Variants in PRSS23 observed in about 807,000 individuals in gnomAD.
PRSS23 encodes serine protease 23, also known as protease, serine 23.
A neutral mutation model predicts 34.7 loss-of-function variants in PRSS23; 25 were observed. The ratio of observed to expected loss-of-function variants is 0.72; its 90% confidence interval spans 0.53 to 1.01. The LOEUF (loss-of-function observed/expected upper bound fraction) is 1.01. Among genes scored for constraint, PRSS23 ranks in the 50% least tolerant of loss-of-function variants. The pLI, the probability that PRSS23 is intolerant of heterozygous loss-of-function variation, is 0.00. For synonymous variants in PRSS23, 176 were observed against 186.6 expected, an observed-to-expected ratio of 0.94 and a Z score of 0.46; for missense variants, 445 against 475.6, an observed-to-expected ratio of 0.94 and a Z score of 0.60.
At chr11:86,903,644 G>A (rs1948925081) in intron 2 of PRSS23, among the ~76,000 whole-genome samples, 1 of 151,794 alleles carries the variant, frequency 6.6e-6, no homozygotes, top group South Asian at 2.1e-4. Flanking sequence ...CACCACTCCT[G>A]GCTAATTTTT....
At chr11:86,825,553 C>A (rs910047436) in intron 2 of PRSS23, among the ~76,000 whole-genome samples, 20 of 151,032 alleles carry the variant, frequency 1.3e-4, no homozygotes, top group African/African-American at 4.8e-4. Flanking sequence ...GAAGTCCTTG[C>A]CCATGCCTAT....
chr11:86,842,263 G>C (rs922086517), intron 2 of PRSS23, among the ~76,000 whole-genome samples: 1 of 152,130 alleles, frequency 6.6e-6, no homozygotes, highest in Non-Finnish European at 1.5e-5. Flanking sequence ...ATATAAACTA[G>C]GTATTGATGG....
At chr11:86,828,238 C>G (rs1948319947) in intron 2 of PRSS23, among the ~76,000 whole-genome samples, 1 of 152,314 alleles carries the variant, frequency 6.6e-6, no homozygotes, top group East Asian at 1.9e-4. Flanking sequence ...GATCCCTTTA[C>G]TATTACGTAA....
chr11:86,837,063 G>C (rs1476984953), intron 2 of PRSS23: 4 of 152,132 alleles, frequency 2.6e-5, no homozygotes, highest in African/African-American at 9.7e-5. Flanking sequence ...CTAGATTCAA[G>C]AATGTTCCAA....
At position 86,941,206 on chromosome 11, in the gene PRSS23, C is replaced by G. The variant is rs562384954; in HGVS notation, c.207-10010C>G. Among the ~76,000 whole-genome samples the G allele has an allele frequency of 3.4e-4, 52 of 152,228 alleles. 1 individual carries two copies. In the Middle Eastern group the frequency reaches 0.024, roughly 70 times the overall value. On this transcript the variant is annotated intron_variant, in intron 2 of 2. Transcript: ENST00000533902. ...TCCTTTGAGGGGTCAAATGGTGAGA[C>G]GACAGCAGTTTAGGAACTGTTTGCC... is the stretch of plus-strand genomic sequence containing the variant.
At chr11:86,869,377 A>G (rs1264037440) in intron 2 of PRSS23, among the ~76,000 whole-genome samples, 2 of 152,176 alleles carry the variant, frequency 1.3e-5, no homozygotes, top group Non-Finnish European at 2.9e-5. Context: ...TCCTTTATCA[A>G]ACATCAACTG....
chr11:86,791,555 T>C (rs1947952212), intron 1 of PRSS23, among the ~76,000 whole-genome samples: 1 of 152,240 alleles, frequency 6.6e-6, no homozygotes, highest in Non-Finnish European at 1.5e-5. Context: ...TGAGGCACTT[T>C]TCACAAGCTC....
rs370811133 is a variant in PRSS23 at position 86,951,982 on chromosome 11, G to C, written c.*697G>C. On this transcript the variant is annotated 3_prime_UTR_variant, in exon 3 of 3. Coordinates refer to the PRSS23 transcript ENST00000533902. The stretch of plus-strand genomic sequence containing the variant: ...TGCTATAAATATTATAGCACATACT[G>C]AGAAATATGATGGGGCGCTCAGGGT... 4.2e-5 allele frequency: 67 copies of C among 1,614,068 alleles called. 1 individual carries two copies. Among genetic ancestry groups the C allele is most frequent in the Non-Finnish European group, 5.5e-5 (65 of 1,179,982 alleles).
intron 2 of PRSS23, among the ~76,000 whole-genome samples, chr11:86,824,839 A>G (rs1024754788): frequency 1.3e-5 from 2 of 152,148 alleles, no homozygotes; most frequent in African/African-American, 4.8e-5. Context: ...ATAGTATTCC[A>G]TGATGTATAT....
chr11:86,879,563 C>A (rs1302173246), intron 2 of PRSS23, among the ~76,000 whole-genome samples: 8 of 111,050 alleles, frequency 7.2e-5, no homozygotes, highest in Non-Finnish European at 1.2e-4. Flanking sequence ...GTCAGCCCCC[C>A]GCCCGGCCAG....
intron 2 of PRSS23, among the ~76,000 whole-genome samples, chr11:86,825,417 C>A (rs1214289031): frequency 6.6e-6 from 1 of 152,026 alleles, no homozygotes; most frequent in Non-Finnish European, 1.5e-5. Context: ...AAATTTTCTC[C>A]CATTTTGTAG....
At chr11:86,913,478 A>T (rs1202439923) in intron 2 of PRSS23, among the ~76,000 whole-genome samples, 1 of 151,004 alleles carries the variant, frequency 6.6e-6, no homozygotes, top group Non-Finnish European at 1.5e-5. Context: ...CCAGTAGCAG[A>T]AGTGGAAACT....
chr11:86,806,018 T>C (rs755059903), intron 1 of PRSS23, among the ~76,000 whole-genome samples: 12 of 152,260 alleles, frequency 7.9e-5, no homozygotes, highest in Non-Finnish European at 1.6e-4. Flanking sequence ...TCAGAGCCAC[T>C]GAGAGCCAAC....
chr11:86,916,434 A>G (rs1949013262), intron 2 of PRSS23, among the ~76,000 whole-genome samples: 1 of 152,212 alleles, frequency 6.6e-6, no homozygotes, highest in African/African-American at 2.4e-5. Flanking sequence ...AAATGGCAAC[A>G]ATCCAGCAGA....
At chr11:86,869,793 G>T (rs1479401810) in intron 2 of PRSS23, among the ~76,000 whole-genome samples, 2 of 152,154 alleles carry the variant, frequency 1.3e-5, no homozygotes, top group Non-Finnish European at 2.9e-5. Context: ...TCTCAGATTG[G>T]TCACTGTGAA....
chr11:86,874,691 T>C (rs1372809376), intron 2 of PRSS23, among the ~76,000 whole-genome samples: 1 of 152,232 alleles, frequency 6.6e-6, no homozygotes, highest in African/African-American at 2.4e-5. Flanking sequence ...CCCAACTTTG[T>C]AGTGTAAAAC....
intron 2 of PRSS23, among the ~76,000 whole-genome samples, chr11:86,869,455 G>T (rs375530452): frequency 1.3e-5 from 2 of 152,114 alleles, no homozygotes; most frequent in East Asian, 3.9e-4. Context: ...ACAGACATGG[G>T]CCCCGCCTTC....
chr11:86,950,466 CAG>C (rs2070475607), intron 2 of PRSS23: 1 of 152,806 alleles, frequency 6.5e-6, no homozygotes, highest in Non-Finnish European at 1.5e-5. Flanking sequence ...GAGAGGAAGA[CAG>C]AGAAGAAAAA....
At chr11:86,933,738 A>G (rs2135018597) in intron 2 of PRSS23, 1 of 152,348 alleles carries the variant, frequency 6.6e-6, no homozygotes, top group East Asian at 1.9e-4. Flanking sequence ...TGGAGCTGGA[A>G]TCTGAACCAG....
Sources: gnomAD v4.1 joint callset for allele counts (sites outside exome capture counted in the v4.1 genomes callset) on GRCh38, gnomAD v4.1.1 for gene constraint, MANE v1.5 for transcripts, NCBI Gene and HGNC (gene_info 2026-07-23, HGNC 2026-07-21) for gene names.